Variants in LRRTM4 observed in about 807,000 individuals in gnomAD.
LRRTM4 encodes the protein leucine-rich repeat transmembrane neuronal protein 4.
In LRRTM4, 25 loss-of-function variants were observed where a neutral mutation model predicts 47.6. The observed-to-expected ratio is 0.53, with a 90% CI of 0.38 to 0.73. The LOEUF (loss-of-function observed/expected upper bound fraction) is 0.73, where lower values mean the gene tolerates loss of function less well. Ranked by LOEUF, LRRTM4 falls within the 30% of genes least tolerant of loss-of-function variation. The pLI is 0.00. For missense variants in LRRTM4, 638 were observed against 713.4 expected, an observed-to-expected ratio of 0.89 and a Z score of 1.20; for synonymous variants, 311 against 269.5, an observed-to-expected ratio of 1.15 and a Z score of -1.51.
intron 3 of LRRTM4, among the ~76,000 whole-genome samples, chr2:77,061,459 G>A (rs7562487): frequency 0.38 from 58,380 of 151,782 alleles, 12,699 homozygotes; most frequent in African/African-American, 0.6. Flanking sequence ...TCTCCATTCA[G>A]TGTGATACAG....
chr2:77,060,857 A>G (rs1172790425), intron 3 of LRRTM4, among the ~76,000 whole-genome samples: 1 of 152,156 alleles, frequency 6.6e-6, no homozygotes, highest in Non-Finnish European at 1.5e-5. Flanking sequence ...ACATGTGAGC[A>G]CAATTCCTGT....
At chr2:76,792,395 C>T (rs977479527) in intron 3 of LRRTM4, among the ~76,000 whole-genome samples, 1 of 152,104 alleles carries the variant, frequency 6.6e-6, no homozygotes, top group Non-Finnish European at 1.5e-5. Context: ...ATGTTCCACT[C>T]TAGGAATCAT....
At chr2:77,079,595 C>T (rs1312960076) in intron 3 of LRRTM4, among the ~76,000 whole-genome samples, 1 of 152,146 alleles carries the variant, frequency 6.6e-6, no homozygotes, top group Non-Finnish European at 1.5e-5. Flanking sequence ...CATTCTTCTT[C>T]CATTTGGCCC....
intron 3 of LRRTM4, among the ~76,000 whole-genome samples, chr2:76,907,308 C>A (rs891168731): frequency 6.6e-6 from 1 of 150,656 alleles, no homozygotes; most frequent in African/African-American, 2.4e-5. Flanking sequence ...AACAAAGACA[C>A]AACATACCAG....
intron 3 of LRRTM4, among the ~76,000 whole-genome samples, chr2:77,146,735 T>G (rs765311665): frequency 5.9e-5 from 9 of 152,124 alleles, no homozygotes; most frequent in Middle Eastern, 3.2e-3. Context: ...CACATTCTAT[T>G]TTAGGGTGAT....
intron 3 of LRRTM4, among the ~76,000 whole-genome samples, chr2:76,982,102 C>A (rs897675338): frequency 1.3e-4 from 20 of 152,080 alleles, no homozygotes; most frequent in Admixed American, 1.3e-3. Flanking sequence ...CCATACTCTA[C>A]TATGTGTCCA....
intron 3 of LRRTM4, among the ~76,000 whole-genome samples, chr2:76,837,837 C>CA (rs1188326028): frequency 1.7e-4 from 25 of 146,594 alleles, no homozygotes; most frequent in Non-Finnish European, 2.8e-4. Context: ...ATTGCAAGGA[C>CA]AAAAAACCAA....
intron 3 of LRRTM4, among the ~76,000 whole-genome samples, chr2:76,851,328 T>A (rs6759073): frequency 0.25 from 37,956 of 152,096 alleles, 5,570 homozygotes; most frequent in African/African-American, 0.42. Context: ...GCTGAAAAGC[T>A]TAACAACCAC....
chr2:77,098,923 G>A (rs1334552219), intron 3 of LRRTM4, among the ~76,000 whole-genome samples: 2 of 151,922 alleles, frequency 1.3e-5, no homozygotes, highest in Admixed American at 6.6e-5. Flanking sequence ...AAACCATGAT[G>A]AGACTCCATT....
chr2:77,395,737 G>C (rs556284446), intron 3 of LRRTM4, among the ~76,000 whole-genome samples: 1 of 151,882 alleles, frequency 6.6e-6, no homozygotes, highest in Non-Finnish European at 1.5e-5. Flanking sequence ...AGACTAGCTG[G>C]CCAGAGTCAT....
chr2:76,826,427 T>A (rs1220505233), intron 3 of LRRTM4, among the ~76,000 whole-genome samples: 4 of 151,454 alleles, frequency 2.6e-5, no homozygotes, highest in African/African-American at 7.3e-5. Flanking sequence ...AGGAAAAAAA[T>A]AATAAAGCTT....
intron 3 of LRRTM4, among the ~76,000 whole-genome samples, chr2:76,790,004 A>C (rs1239934648): frequency 6.6e-6 from 1 of 152,188 alleles, no homozygotes; most frequent in East Asian, 1.9e-4. Context: ...GTTACAGGAC[A>C]GTTCTACTGT....
rs888907970 is a variant in LRRTM4, at chr2:77,156,893, A to AT, written c.1551+361424dup. Among the ~76,000 whole-genome samples, 472 of 141,568 alleles carry AT rather than the reference A, an allele frequency of 3.3e-3. 1 individual carries two copies. Among genetic ancestry groups the AT allele is most frequent in the African/African-American group, 7.2e-3 (276 of 38,510 alleles). The allele number at this position is 141,568 out of a possible 152,430, so 92.9% of individuals were successfully genotyped here. ...GGCTCAACTTCTTACTAAAGCTTTTATTTTTTTTTTTCTCAAGGTGTTTAG... is the reference window on the plus strand; with the variant it reads ...GGCTCAACTTCTTACTAAAGCTTTTATTTTTTTTTTTTCTCAAGGTGTTTAG... On this transcript the variant is annotated intron_variant, in intron 3 of 3. Transcript: ENST00000409884.
intron 3 of LRRTM4, among the ~76,000 whole-genome samples, chr2:77,370,577 T>C (rs1420640751): frequency 6.6e-6 from 1 of 151,700 alleles, no homozygotes; most frequent in East Asian, 1.9e-4. Flanking sequence ...GATTTGTTTT[T>C]GAAGTTTAGA....
intron 3 of LRRTM4, among the ~76,000 whole-genome samples, chr2:77,287,639 A>G (rs948734026): frequency 7.2e-5 from 11 of 152,094 alleles, no homozygotes; most frequent in East Asian, 3.9e-4. Flanking sequence ...AGTGCAGGAC[A>G]TGAATTATTT....
At chr2:77,146,910 A>G (rs773292201) in intron 3 of LRRTM4, among the ~76,000 whole-genome samples, 74 of 152,326 alleles carry the variant, frequency 4.9e-4, no homozygotes, top group Non-Finnish European at 6.0e-4. Flanking sequence ...TTTAAACAGA[A>G]AAAGAATTTA....
At chr2:77,421,364 G>A (rs1039165762) in intron 3 of LRRTM4, among the ~76,000 whole-genome samples, 1 of 152,194 alleles carries the variant, frequency 6.6e-6, no homozygotes, top group Admixed American at 6.5e-5. Context: ...CAATGTCTTA[G>A]ATACCATTTT....
intron 3 of LRRTM4, among the ~76,000 whole-genome samples, chr2:77,355,447 C>G (rs1671932539): frequency 6.6e-6 from 1 of 152,058 alleles, no homozygotes; most frequent in African/African-American, 2.4e-5. Context: ...AAGTTATTTC[C>G]TATGCCAAAA....
chr2:76,917,869 T>C (rs565818985), intron 3 of LRRTM4, among the ~76,000 whole-genome samples: 5 of 152,308 alleles, frequency 3.3e-5, no homozygotes, highest in East Asian at 3.9e-4. Flanking sequence ...TTTTTCACTC[T>C]GTCTTCATTA....
Sources: allele counts gnomAD v4.1 joint callset (sites outside exome capture counted in the v4.1 genomes callset), GRCh38; gene constraint gnomAD v4.1.1; transcripts MANE v1.5; gene names NCBI Gene and HGNC (gene_info 2026-07-23, HGNC 2026-07-21).